The following DIAPH2 variants were observed in gnomAD, a reference collection of about 807,000 sequenced individuals.
DIAPH2 encodes protein diaphanous homolog 2.
DIAPH2 carries 35 observed loss-of-function variants against 92.7 expected under a neutral mutation model. That is an observed-to-expected ratio of 0.38 (90% CI 0.29 to 0.50). DIAPH2 has a LOEUF of 0.50. Among genes scored for constraint, DIAPH2 ranks in the 20% least tolerant of loss-of-function variants. DIAPH2 has a pLI of 0.94. For missense variants in DIAPH2, 701 were observed against 819.5 expected (o/e 0.86, Z 1.77); for synonymous variants, 301 against 280.4 (o/e 1.07, Z -0.73).
At chrX:96,893,851 T>C (rs1480606596) in intron 5 of DIAPH2, among the ~76,000 whole-genome samples, 3 of 111,570 alleles carry the variant, frequency 2.7e-5, no homozygotes, top group African/African-American at 9.8e-5. Flanking sequence ...AGAAGATCCA[T>C]GTGCACTAGA....
At chrX:97,224,001 A>G (rs916165683) in intron 22 of DIAPH2, among the ~76,000 whole-genome samples, 5 of 111,494 alleles carry the variant, frequency 4.5e-5, no homozygotes, top group South Asian at 3.8e-4. Flanking sequence ...TTCCTGACCA[A>G]ATTAGACCCT....
chrX:97,321,710 C>G (rs972341672), intron 23 of DIAPH2, among the ~76,000 whole-genome samples: 3 of 109,179 alleles, frequency 2.7e-5, no homozygotes, highest in African/African-American at 1.0e-4. Context: ...CCACCAAGCC[C>G]GGCTAATTTT....
chrX:97,398,830 C>T (rs1472252184), intron 25 of DIAPH2, among the ~76,000 whole-genome samples: 1 of 107,010 alleles, frequency 9.3e-6, no homozygotes, highest in Non-Finnish European at 1.9e-5. Flanking sequence ...CAACCTCCGC[C>T]TCCCGGGTTC....
chrX:97,128,232 C>T (rs1002007781), intron 21 of DIAPH2, among the ~76,000 whole-genome samples: 2 of 111,526 alleles, frequency 1.8e-5, no homozygotes, highest in Admixed American at 9.5e-5. Flanking sequence ...CATGCATCCC[C>T]TTTTTAGACC....
intron 5 of DIAPH2, among the ~76,000 whole-genome samples, chrX:96,895,068 A>G (rs1045760321): frequency 5.0e-5 from 5 of 100,897 alleles, no homozygotes; most frequent in Non-Finnish European, 9.8e-5. Context: ...TAGTGGCGCA[A>G]TCTCGGCTCA....
chrX:97,237,607 T>G (rs1287257818), intron 22 of DIAPH2, among the ~76,000 whole-genome samples: 1 of 109,709 alleles, frequency 9.1e-6, no homozygotes, highest in Non-Finnish European at 1.9e-5. Context: ...GACAAGAGTC[T>G]CTCTCGCTCT....
Position 97,601,622 on chromosome X carries a change from T to C in DIAPH2, c.*2305T>C, listed in dbSNP as rs976834450. ...TGACATTTTTAGTATGAAACCAAAT[T>C]ACACTAAGGTCTTTTGTTGGCCATA... is the stretch of plus-strand genomic sequence containing the variant. On this transcript the variant is annotated 3_prime_UTR_variant, in exon 27 of 27. Transcript: ENST00000324765. 1.8e-5 allele frequency: 2 copies of C among 111,899 alleles called. No individual in the cohort carries two copies. Among genetic ancestry groups the C allele is most frequent in the Non-Finnish European group, 3.8e-5 (2 of 53,180 alleles). The allele number at this position is 111,899 out of a possible 1,213,427, so 9.2% of individuals were successfully genotyped here.
chrX:97,537,487 A>T (rs1011947210), intron 26 of DIAPH2, among the ~76,000 whole-genome samples: 2 of 112,081 alleles, frequency 1.8e-5, no homozygotes, highest in Non-Finnish European at 3.8e-5. Flanking sequence ...GGTGTGGTAA[A>T]CAGCCTCTAA....
intron 24 of DIAPH2, among the ~76,000 whole-genome samples, chrX:97,378,526 A>G (rs1463237379): frequency 8.9e-6 from 1 of 111,923 alleles, no homozygotes; most frequent in African/African-American, 3.2e-5. Flanking sequence ...AAGGAAAGAA[A>G]GGAAAGGAAA....
chrX:97,037,865 T>A (rs971364678), intron 17 of DIAPH2, among the ~76,000 whole-genome samples: 3 of 111,946 alleles, frequency 2.7e-5, no homozygotes, highest in African/African-American at 6.5e-5. Flanking sequence ...CATTATTTTT[T>A]AAATTTCAAT....
chrX:97,305,756 G>A (rs773467660), intron 23 of DIAPH2, among the ~76,000 whole-genome samples: 1 of 105,287 alleles, frequency 9.5e-6, no homozygotes, highest in African/African-American at 3.5e-5. Flanking sequence ...CCTGTGAAGT[G>A]GAGGTTGCAG....
intron 4 of DIAPH2, among the ~76,000 whole-genome samples, chrX:96,851,447 G>C (rs184085163): frequency 3.8e-3 from 425 of 111,555 alleles, no homozygotes; most frequent in South Asian, 7.2e-3. Context: ...GGTGTCTGTG[G>C]GGAATTGGTT....
intron 26 of DIAPH2, among the ~76,000 whole-genome samples, chrX:97,474,789 G>T (rs1330701633): frequency 9.1e-6 from 1 of 110,148 alleles, no homozygotes; most frequent in Non-Finnish European, 1.9e-5. Flanking sequence ...ATTAATAATA[G>T]TAATAATAAA....
chrX:96,972,077 T>C (rs945599244), intron 17 of DIAPH2, among the ~76,000 whole-genome samples: 4 of 111,557 alleles, frequency 3.6e-5, no homozygotes, highest in East Asian at 2.8e-4. Context: ...GGCACCTTTT[T>C]CCCCCGGTTT....
In DIAPH2 at chrX:96,918,418, G is replaced by T. The variant is rs1029719051; in HGVS notation, c.870-91G>T. 131 of 543,393 alleles carry T rather than the reference G, an allele frequency of 2.4e-4. No homozygotes were observed. The African/African-American group carries it at 2.8e-3, about 12-fold the overall frequency. 44.8% of individuals were successfully genotyped at this position (543,393 alleles called of 1,213,427 possible). ...TGGTATATATAAACATCAAATACCA[G>T]AAAGAAAACAGGGAATACTGAAAGG... On this transcript the variant is annotated intron_variant, in intron 8 of 26. Coordinates refer to ENST00000324765, the MANE Select transcript of DIAPH2 (RefSeq NM_006729.5).
At chrX:96,872,965 G>A (rs767245822) in intron 4 of DIAPH2, among the ~76,000 whole-genome samples, 4 of 111,919 alleles carry the variant, frequency 3.6e-5, no homozygotes, top group African/African-American at 1.3e-4. Context: ...GGACCAAATG[G>A]TAGCTCAATT....
chrX:97,255,758 T>G (rs192090971), intron 23 of DIAPH2, among the ~76,000 whole-genome samples: 6 of 112,142 alleles, frequency 5.4e-5, no homozygotes. Context: ...AAATTATGTC[T>G]TAACAGATTT....
chrX:97,269,709 C>T (rs189893770), intron 23 of DIAPH2, among the ~76,000 whole-genome samples: 1 of 108,410 alleles, frequency 9.2e-6, no homozygotes, highest in Non-Finnish European at 1.9e-5. Flanking sequence ...AATGAATGAA[C>T]AAACTAAGGA....
chrX:97,007,753 CTTTTTTTCTTTTTTTTTTT>C (rs2066192805), intron 17 of DIAPH2, among the ~76,000 whole-genome samples: 2 of 92,301 alleles, frequency 2.2e-5, no homozygotes, highest in Non-Finnish European at 4.3e-5. Context: ...AGGCTGTTTT[CTTTTTTTCTTTTTTTTTTT>C]TTTTTTTTGA....
Sources: allele counts gnomAD v4.1 joint callset (sites outside exome capture counted in the v4.1 genomes callset), GRCh38; gene constraint gnomAD v4.1.1; transcripts MANE v1.5; gene names NCBI Gene and HGNC (gene_info 2026-07-23, HGNC 2026-07-21).